Variants in NRL observed in about 807,000 individuals in gnomAD.
The protein encoded by NRL is neural retina leucine zipper.
A neutral mutation model predicts 12.5 loss-of-function variants in NRL; 16 were observed. The ratio of observed to expected loss-of-function variants is 1.28; its 90% CI spans 0.87 to 1.95. The LOEUF is 1.95. NRL is among the 30% of genes most tolerant of loss of function. The pLI is 0.00. For missense variants in NRL, 314 were observed against 325.8 expected, an observed-to-expected ratio of 0.96 and a Z score of 0.28; for synonymous variants, 142 against 150.9, an observed-to-expected ratio of 0.94 and a Z score of 0.43.
chr14:24,094,235 G>C lies in NRL; in HGVS notation c.-27-11360C>G. 1.6e-6 allele frequency: 1 copy of C among 625,670 alleles called. No homozygotes were observed. The highest frequency in any genetic ancestry group is 2.7e-6 in the Non-Finnish European group (1 of 369,134). 38.8% of individuals were successfully genotyped at this position (625,670 alleles called of 1,614,324 possible). ...TGGCCTGCCAGCGGGGCGGAGGAAA[G>C]CTAGTGCCAGCCCTACCAGGTTCCG... On this transcript the variant is annotated intron_variant, in intron 1 of 2. Coordinates refer to ENST00000561028, the MANE Select transcript of NRL (RefSeq NM_001354768.3). This position sits in a 1 kb window ranked among gnomAD's most constrained non-coding sequence, Gnocchi z 4.1.
intron 1 of NRL, among the ~76,000 whole-genome samples, chr14:24,109,464 G>A (rs994679672): frequency 1.3e-5 from 2 of 152,084 alleles, no homozygotes; most frequent in African/African-American, 2.4e-5. Flanking sequence ...GGGAGGCCTA[G>A]GTGGTCAGAT....
Position 24,081,621 on chromosome 14 carries a change from G to A in NRL, c.382-53C>T. On this transcript the variant is annotated intron_variant, in intron 2 of 2. Coordinates refer to ENST00000561028, the MANE Select transcript of NRL (RefSeq NM_001354768.3). The surrounding 1 kb of genome is among the most constrained non-coding windows in gnomAD (Gnocchi z 4.4). ...TCAGCGCCAGGTCGCACCCGGCTCT[G>A]CCCTGAGGGCCCGACGCTACCTGGC... The A allele has an allele frequency of 6.5e-7, 1 of 1,546,252 alleles. No individual in the cohort carries two copies. Among genetic ancestry groups the A allele is most frequent in the Non-Finnish European group, 8.7e-7 (1 of 1,145,722 alleles).
At position 24,082,795 on chromosome 14, in the gene NRL, C is replaced by G. The variant is rs1042001721; in HGVS notation, c.54G>C (p.Leu18Phe). 6.2e-7 allele frequency: 1 copy of G among 1,614,188 alleles called. No individual in the cohort carries two copies. Among genetic ancestry groups the G allele is most frequent in the African/African-American group, 1.3e-5 (1 of 75,060 alleles). The change falls in exon 2 of 3, where the codon TTG (leucine) becomes TTC (phenylalanine). Residue 18 changes from leucine to phenylalanine, a missense_variant. Coordinates refer to ENST00000561028, the MANE Select transcript of NRL (RefSeq NM_001354768.3). Reference protein sequence around the residue: ...LAMEYVNDFDLMKFEVKREPS... With the variant: ...LAMEYVNDFDFMKFEVKREPS... ...GTTCCCGCTTTACCTCAAACTTCAT[C>G]AAGTCAAAGTCATTGACATATTCCA...
intron 1 of NRL, among the ~76,000 whole-genome samples, chr14:24,108,953 A>G (rs752036201): frequency 2.0e-5 from 3 of 152,182 alleles, no homozygotes; most frequent in Non-Finnish European, 4.4e-5. Flanking sequence ...TAGAGAATGA[A>G]AACACTCCTT....
intron 1 of NRL, among the ~76,000 whole-genome samples, chr14:24,108,096 C>T (rs1002401751): frequency 2.0e-5 from 3 of 152,152 alleles, no homozygotes; most frequent in Non-Finnish European, 2.9e-5. Context: ...CCTTGCTTCC[C>T]GGCTATCTGG....
rs58411765 is a variant in NRL at position 24,108,482 on chromosome 14, C to T, written c.-28+6240G>A. On this transcript the variant is annotated intron_variant, in intron 1 of 2. Transcript: ENST00000561028. ...CCTCCCGAGTAGCTACAGGTGTAAG[C>T]CACCACACCTGGCTAATTTTTTTTT... Among the ~76,000 whole-genome samples the T allele has an allele frequency of 6.7e-3, 1,012 of 151,924 alleles. 7 individuals are homozygous for T. Among genetic ancestry groups the T allele is most frequent in the African/African-American group, 0.023 (973 of 41,440 alleles).
At chr14:24,098,541 T>A in intron 1 of NRL, 1 of 1,614,096 alleles carries the variant, frequency 6.2e-7, no homozygotes, top group South Asian at 1.1e-5. Flanking sequence ...CGCATCGGGG[T>A]GCAGCTCACT....
At position 24,082,663 on chromosome 14, in the gene NRL, G is replaced by A. The variant is rs140765019; in HGVS notation, c.186C>T (p.Thr62=). 2.3e-4 allele frequency: 368 copies of A among 1,613,920 alleles called. No homozygotes were observed. Among genetic ancestry groups the A allele is most frequent in the Non-Finnish European group, 2.8e-4 (332 of 1,180,016 alleles). ...CCTCCAGGCCTGGCCGGGTGCCCTC[G>A]GTTGCCCCCACCATGCCTGGTTCAC... ...TFSEPGMVGA[T]EGTRPGLEEL... Residue 62 remains threonine, a synonymous_variant, in exon 2 of 3, where the codon ACC becomes ACT. Coordinates refer to ENST00000561028, the MANE Select transcript of NRL (RefSeq NM_001354768.3).
chr14:24,088,892 G>A (rs1309946633), intron 1 of NRL, among the ~76,000 whole-genome samples: 16 of 143,186 alleles, frequency 1.1e-4, no homozygotes, highest in African/African-American at 3.7e-4. Flanking sequence ...GGCAAGCTCC[G>A]CCTCCCAGGT....
At chr14:24,103,905 C>T (rs749314932) in intron 1 of NRL, 6 of 1,614,188 alleles carry the variant, frequency 3.7e-6, no homozygotes, top group Middle Eastern at 1.6e-4. Context: ...CAACCAGGAT[C>T]TGCCCAAAGA....
chr14:24,078,905 A>G lies in NRL; in HGVS notation c.*2331T>C, dbSNP rs189792186. ...ATCCCCGAACTCCTGGGCTCAAGTT[A>G]TCCTTCCACCTTAGCCTCCTGGGTA... On this transcript the variant is annotated 3_prime_UTR_variant, in exon 3 of 3. Transcript: ENST00000561028. Among the ~76,000 whole-genome samples, 1 of 152,322 alleles carries G rather than the reference A, an allele frequency of 6.6e-6. No homozygotes were observed. The highest frequency in any genetic ancestry group is 6.5e-5 in the Admixed American group (1 of 15,306).
chr14:24,096,266 T>TCTTG (rs1366048044), intron 1 of NRL, among the ~76,000 whole-genome samples: 1 of 138,362 alleles, frequency 7.2e-6, no homozygotes, highest in Admixed American at 7.4e-5. Context: ...TGAGACAGAG[T>TCTTG]CTTGCTCTGT....
Position 24,082,652 on chromosome 14 carries a change from C to T in NRL, c.197G>A (p.Arg66Gln), listed in dbSNP as rs765131883. 9 of 1,613,902 alleles carry T rather than the reference C, an allele frequency of 5.6e-6. No homozygotes were observed. The highest frequency in any genetic ancestry group is 2.7e-5 in the African/African-American group (2 of 74,940). Residue 66 changes from arginine to glutamine, a missense_variant, in exon 2 of 3, where the codon CGG (arginine) becomes CAG (glutamine). Coordinates refer to ENST00000561028, the MANE Select transcript of NRL (RefSeq NM_001354768.3). ...CCAGTACAGCTCCTCCAGGCCTGGC[C>T]GGGTGCCCTCGGTTGCCCCCACCAT... ...PGMVGATEGTRPGLEELYWLA... is the reference protein window; with the variant it reads ...PGMVGATEGTQPGLEELYWLA...
chr14:24,093,934 TTCTAGACG>T, intron 1 of NRL: 1 of 465,302 alleles, frequency 2.1e-6, no homozygotes, highest in Non-Finnish European at 3.8e-6. Flanking sequence ...ACCCCCTAAC[TTCTAGACG>T]TCTGGCCCCT....
chr14:24,108,538 C>T (rs941921688), intron 1 of NRL, among the ~76,000 whole-genome samples: 11 of 151,386 alleles, frequency 7.3e-5, no homozygotes, highest in Non-Finnish European at 1.5e-4. Context: ...CACTATGTTG[C>T]CCAGGCTGGT....
At chr14:24,083,639 G>A (rs941779405) in intron 1 of NRL, among the ~76,000 whole-genome samples, 1 of 152,128 alleles carries the variant, frequency 6.6e-6, no homozygotes, top group Non-Finnish European at 1.5e-5. Context: ...CTTCTGACCC[G>A]TTTTCCCTTC....
intron 1 of NRL, among the ~76,000 whole-genome samples, chr14:24,101,897 G>C (rs1228120585): frequency 6.6e-6 from 1 of 152,010 alleles, no homozygotes; most frequent in Non-Finnish European, 1.5e-5. Context: ...CCTGGTGACA[G>C]AGTGAGACTC....
At chr14:24,086,609 T>C (rs2036473674) in intron 1 of NRL, among the ~76,000 whole-genome samples, 1 of 152,192 alleles carries the variant, frequency 6.6e-6, no homozygotes, top group Non-Finnish European at 1.5e-5. Context: ...GGAAAGAGAC[T>C]CTACAATTTC....
intron 1 of NRL, among the ~76,000 whole-genome samples, chr14:24,109,008 T>C (rs2037379635): frequency 1.3e-5 from 2 of 152,162 alleles, no homozygotes; most frequent in Non-Finnish European, 2.9e-5. Flanking sequence ...GTGGAGATGC[T>C]AATGAGCAGG....
Sources: gnomAD v4.1 joint callset for allele counts (sites outside exome capture counted in the v4.1 genomes callset) on GRCh38, gnomAD v4.1.1 for gene constraint, Gnocchi (gnomAD v3.1) non-coding constraint, MANE v1.5 for transcripts, NCBI Gene and HGNC (gene_info 2026-07-23, HGNC 2026-07-21) for gene names.